Variants in NUP210 observed in about 807,000 individuals in gnomAD.
NUP210 encodes nuclear pore membrane glycoprotein 210.
Under a neutral mutation model 196.0 loss-of-function variants are expected in NUP210, and 151 were observed. That is an observed-to-expected ratio of 0.77 (90% CI 0.67 to 0.88). The LOEUF (loss-of-function observed/expected upper bound fraction) is 0.88, where lower values mean the gene tolerates loss of function less well. NUP210 is among the 40% of genes least tolerant of loss of function. The pLI is 0.00. For missense variants in NUP210, 2,314 were observed against 2,493.7 expected, an observed-to-expected ratio of 0.93 and a Z score of 1.53; for synonymous variants, 1,070 against 1,052.7, an observed-to-expected ratio of 1.02 and a Z score of -0.32.
In NUP210 at chr3:13,347,753, T is replaced by A. The variant is rs1486668723; in HGVS notation, c.2835+4126A>T. Reference sequence around the variant, plus strand: ...AGCTGGAAAAAGCCACAGCCACGAGTAGACATCCCTCGGAAACAGTCGCCT... The same window carrying A: ...AGCTGGAAAAAGCCACAGCCACGAGAAGACATCCCTCGGAAACAGTCGCCT... On this transcript the variant is annotated intron_variant, in intron 20 of 39. Coordinates refer to ENST00000254508, the MANE Select transcript of NUP210 (RefSeq NM_024923.4). The surrounding 1 kb of genome is among the most constrained non-coding windows in gnomAD (Gnocchi z 4.7). Among the ~76,000 whole-genome samples, 1 of 152,110 alleles carries A rather than the reference T, an allele frequency of 6.6e-6. No homozygotes were observed. The highest frequency in any genetic ancestry group is 1.5e-5 in the Non-Finnish European group (1 of 68,008).
intron 5 of NUP210, among the ~76,000 whole-genome samples, chr3:13,386,666 T>C (rs12491880): frequency 0.01 from 1,585 of 152,212 alleles, 8 homozygotes; most frequent in Middle Eastern, 0.024. Context: ...TTTATCTCTA[T>C]GTGAAACCAT....
chr3:13,412,247 T>TTTTTA (rs1553605356), intron 1 of NUP210, among the ~76,000 whole-genome samples: 1 of 135,646 alleles, frequency 7.4e-6, no homozygotes, highest in African/African-American at 3.3e-5. Context: ...TTTTTTTTTT[T>TTTTTA]AGTAGAGACA....
In NUP210 at chr3:13,379,831, T is replaced by C; in HGVS notation, c.818-110A>G. 1.2e-6 allele frequency: 1 copy of C among 828,784 alleles called. No homozygotes were observed. The highest frequency in any genetic ancestry group is 2.1e-5 in the South Asian group (1 of 46,798). 51.3% of individuals were successfully genotyped at this position (828,784 alleles called of 1,614,324 possible). On this transcript the variant is annotated intron_variant, in intron 6 of 39. Coordinates refer to ENST00000254508, the MANE Select transcript of NUP210 (RefSeq NM_024923.4). This position sits in a 1 kb window ranked among gnomAD's most constrained non-coding sequence, Gnocchi z 4.2. Reference sequence around the variant, plus strand: ...CCGAATCTCTGCACTCTGCTCTCAGTACAGCTGACGCATTTTCTTAATTGT... The same window carrying C: ...CCGAATCTCTGCACTCTGCTCTCAGCACAGCTGACGCATTTTCTTAATTGT...
chr3:13,360,247 G>T, intron 15 of NUP210, 23 bp downstream of exon 15: 1 of 1,592,758 alleles, frequency 6.3e-7, no homozygotes, highest in Non-Finnish European at 8.6e-7. Context: ...GGCAAGGAGG[G>T]TCTGGAGCAG....
intron 3 of NUP210, among the ~76,000 whole-genome samples, chr3:13,395,369 G>A (rs981033530): frequency 6.6e-6 from 1 of 152,362 alleles, no homozygotes; most frequent in South Asian, 2.1e-4. Flanking sequence ...ACAGGCTGGA[G>A]TGCAATGGTG....
At chr3:13,370,777 C>T (rs75580122) in intron 13 of NUP210, among the ~76,000 whole-genome samples, 1 of 152,254 alleles carries the variant, frequency 6.6e-6, no homozygotes, top group East Asian at 1.9e-4. Context: ...GTAATTACAG[C>T]TACAGTTGCA....
At chr3:13,335,430 G>A (rs1408033426) in intron 28 of NUP210, 24 bp downstream of exon 28, 32 of 1,606,910 alleles carry the variant, frequency 2.0e-5, no homozygotes, top group Non-Finnish European at 2.7e-5. Context: ...CCCCTTCCCT[G>A]TGGCCTTTCC....
chr3:13,371,836 G>A lies in NUP210; in HGVS notation c.1784C>T (p.Pro595Leu), dbSNP rs749488749. 3.1e-6 allele frequency: 5 copies of A among 1,604,644 alleles called. No homozygotes were observed. Among genetic ancestry groups the A allele is most frequent in the Non-Finnish European group, 2.6e-6 (3 of 1,176,270 alleles). ...CCTGCTCAGCAGCGCTGGTTTACCT[G>A]GGAGTGGCTGGAACACACCCTGGTT... Reference protein sequence around the residue: ...VENQGVFQPLPGRLPPGSEHC... With the variant: ...VENQGVFQPLLGRLPPGSEHC... Residue 595 changes from proline (P) to leucine (L), a missense_variant and splice_region_variant, in exon 13 of 40, where the codon CCA (proline) becomes CTA (leucine). Coordinates refer to ENST00000254508, the MANE Select transcript of NUP210 (RefSeq NM_024923.4).
intron 17 of NUP210, 86 bp downstream of exon 17, chr3:13,353,829 C>A: frequency 1.5e-6 from 2 of 1,347,474 alleles, no homozygotes; most frequent in African/African-American, 1.4e-5. Context: ...GATAACTAAG[C>A]TCCCACAGGC....
intron 28 of NUP210, 71 bp downstream of exon 28, chr3:13,335,383 G>T: frequency 6.5e-7 from 1 of 1,542,362 alleles, no homozygotes. Flanking sequence ...GCAACATGTG[G>T]CCCCGAAGGA....
chr3:13,392,729 A>C (rs1180075280), intron 3 of NUP210, among the ~76,000 whole-genome samples: 1 of 152,216 alleles, frequency 6.6e-6, no homozygotes, highest in Non-Finnish European at 1.5e-5. Flanking sequence ...TCTTCTGCAC[A>C]CTGAGCTGAA....
intron 16 of NUP210, 183 bp from the exon 17 acceptor site, chr3:13,354,290 C>G: frequency 1.7e-6 from 1 of 600,016 alleles, no homozygotes; most frequent in Non-Finnish European, 2.9e-6. Flanking sequence ...ATGGCCCTGT[C>G]CAAGCTGGCC....
intron 31 of NUP210, among the ~76,000 whole-genome samples, chr3:13,327,669 G>A (rs1442109162): frequency 2.0e-5 from 3 of 152,190 alleles, no homozygotes; most frequent in Non-Finnish European, 2.9e-5. Flanking sequence ...CATGCAGCTC[G>A]CAGCCAAACA....
At position 13,342,089 on chromosome 3, in the gene NUP210, CGGA is replaced by C; in HGVS notation, c.2996_2998del (p.Val999_Arg1000delinsGly). ...GGGCTTCTTGTGCAAGTCCAGCACG[CGGA>C]CGTATGCCTTCACTGTCTTCCCAAT... On this transcript the variant is annotated inframe_deletion, in exon 22 of 40. Coordinates refer to ENST00000254508, the MANE Select transcript of NUP210 (RefSeq NM_024923.4). 1 of 1,614,172 alleles carries C rather than the reference CGGA, an allele frequency of 6.2e-7. No homozygotes were observed. The highest frequency in any genetic ancestry group is 8.5e-7 in the Non-Finnish European group (1 of 1,180,040).
chr3:13,377,314 C>G (rs965387251), intron 9 of NUP210, 142 bp downstream of exon 9: 6 of 640,526 alleles, frequency 9.4e-6, no homozygotes, highest in African/African-American at 1.8e-5. Context: ...TTCCCACAGA[C>G]CCGGGAGCGC....
Position 13,347,307 on chromosome 3 carries a change from T to G in NUP210, c.2836-4004A>C. 2.0e-6 allele frequency: 2 copies of G among 985,402 alleles called. No individual in the cohort carries two copies. The highest frequency in any genetic ancestry group is 9.4e-5 in the South Asian group (2 of 21,280). The allele number at this position is 985,402 out of a possible 1,614,324, so 61.0% of individuals were successfully genotyped here. ...TCTGAGTGCACGAGTTAATGGGAAATGTAAAGTGCCCAGCAGGCTCCTTCC... is the reference window on the plus strand; with the variant it reads ...TCTGAGTGCACGAGTTAATGGGAAAGGTAAAGTGCCCAGCAGGCTCCTTCC... On this transcript the variant is annotated intron_variant, in intron 20 of 39. Transcript: ENST00000254508. This position sits in a 1 kb window ranked among gnomAD's most constrained non-coding sequence, Gnocchi z 4.7.
chr3:13,407,912 A>C (rs938218872), intron 1 of NUP210, among the ~76,000 whole-genome samples: 1 of 152,192 alleles, frequency 6.6e-6, no homozygotes, highest in Non-Finnish European at 1.5e-5. Context: ...CTTTCACTTT[A>C]GTGGAAGGAG....
At chr3:13,326,029 G>A in intron 32 of NUP210, 98 bp from the exon 33 acceptor site, 1 of 1,480,724 alleles carries the variant, frequency 6.8e-7, no homozygotes, top group Non-Finnish European at 9.2e-7. Flanking sequence ...CTCGCTGGCT[G>A]CCGCTACCCC....
At chr3:13,385,853 T>G (rs1699252672) in intron 6 of NUP210, among the ~76,000 whole-genome samples, 1 of 152,238 alleles carries the variant, frequency 6.6e-6, no homozygotes, top group Admixed American at 6.5e-5. Context: ...GGAGCACTAT[T>G]CAGCCTTAAA....
Sources: gnomAD v4.1 joint callset for allele counts (sites outside exome capture counted in the v4.1 genomes callset) on GRCh38, gnomAD v4.1.1 for gene constraint, Gnocchi (gnomAD v3.1) non-coding constraint, MANE v1.5 for transcripts, NCBI Gene and HGNC (gene_info 2026-07-23, HGNC 2026-07-21) for gene names.